The following SYNE1 variants were observed in gnomAD, a reference collection of about 807,000 sequenced individuals.
SYNE1 encodes spectrin repeat containing nuclear envelope protein 1, also known as nesprin-1.
A neutral mutation model predicts 1,111.0 loss-of-function variants in SYNE1; 616 were observed. That is an observed-to-expected ratio of 0.55 (90% confidence interval 0.52 to 0.59). The LOEUF (loss-of-function observed/expected upper bound fraction) is 0.59. Among genes scored for constraint, SYNE1 ranks in the 20% least tolerant of loss-of-function variants. SYNE1 has a pLI of 0.00. For synonymous variants in SYNE1, 3,855 were observed against 3,825.8 expected (o/e 1.01, Z -0.28); for missense variants, 10,006 against 10,417.0 (o/e 0.96, Z 1.72).
At chr6:152,162,045 C>T (rs1450695375) in intron 131 of SYNE1, among the ~76,000 whole-genome samples, 2 of 152,186 alleles carry the variant, frequency 1.3e-5, no homozygotes, top group South Asian at 2.1e-4. Context: ...TTGCTTTCTC[C>T]AGAGAGTAAT....
chr6:152,160,070 G>C (rs888837553), intron 131 of SYNE1, among the ~76,000 whole-genome samples: 2 of 151,954 alleles, frequency 1.3e-5, no homozygotes, highest in South Asian at 4.2e-4. Flanking sequence ...ACAGTGGCGC[G>C]ATCTCCGCTC....
intron 51 of SYNE1, 63 bp from the exon 52 acceptor site, chr6:152,391,631 G>A (rs1002818500): frequency 1.1e-5 from 17 of 1,498,032 alleles, no homozygotes; most frequent in Admixed American, 6.7e-5. Context: ...GAGTGCAGGG[G>A]AGTGACAAAT....
chr6:152,307,993 C>T (rs771060742), intron 91 of SYNE1, among the ~76,000 whole-genome samples: 1 of 152,004 alleles, frequency 6.6e-6, no homozygotes, highest in Non-Finnish European at 1.5e-5. Context: ...CCACCACACC[C>T]AGCTAATTTT....
intron 3 of SYNE1, among the ~76,000 whole-genome samples, chr6:152,555,151 AT>A (rs1279484739): frequency 2.0e-5 from 3 of 152,118 alleles, no homozygotes; most frequent in Non-Finnish European, 4.4e-5. Context: ...ATAAACTCAT[AT>A]TTTTTGTTAC....
chr6:152,209,000 C>A (rs867469738), intron 124 of SYNE1, among the ~76,000 whole-genome samples: 3 of 152,096 alleles, frequency 2.0e-5, no homozygotes, highest in Admixed American at 1.3e-4. Context: ...TTCTTTATTA[C>A]GTTTTATTTA....
chr6:152,241,626 A>G (rs2085735117), intron 107 of SYNE1, among the ~76,000 whole-genome samples: 1 of 151,996 alleles, frequency 6.6e-6, no homozygotes, highest in Non-Finnish European at 1.5e-5. Context: ...GTTTGATTAC[A>G]TAGTAAACGG....
rs577778098 is a variant in SYNE1 at position 152,182,443 on chromosome 6, C to T, written c.23302-2149G>A. On this transcript the variant is annotated intron_variant, in intron 128 of 145. Transcript: ENST00000367255. ...CCAACATTTTATTACAAAACATTTC[C>T]GACACAGAAAAGCTGAAGGAATTGG... Among the ~76,000 whole-genome samples, 45 of 152,218 alleles carry T rather than the reference C, an allele frequency of 3.0e-4. No homozygotes were observed. The South Asian group carries it at 8.5e-3, about 29-fold the overall frequency.
rs541418224 is a variant in SYNE1 at position 152,630,829 on chromosome 6, T to A, written c.-223-2275A>T. Reference sequence around the variant, plus strand: ...TTCAGTTAAATCATTGCAACAGAAATCACTCTGCCTCTATCCTCTTCTAAT... The same window carrying A: ...TTCAGTTAAATCATTGCAACAGAAAACACTCTGCCTCTATCCTCTTCTAAT... On this transcript the variant is annotated intron_variant, in intron 2 of 145. Transcript: ENST00000367255. 5.3e-5 allele frequency among the ~76,000 whole-genome samples: 8 copies of A among 152,272 alleles called. No individual in the cohort carries two copies. The South Asian group carries it at 1.7e-3, about 32-fold the overall frequency.
In SYNE1 at chr6:152,444,571, T is replaced by G; in HGVS notation, c.3677A>C (p.Lys1226Thr). 6.2e-7 allele frequency: 1 copy of G among 1,611,032 alleles called. No homozygotes were observed. The highest frequency in any genetic ancestry group is 8.5e-7 in the Non-Finnish European group (1 of 1,179,294). ...ACAGTCCCCAAAATTGCTTAGCATC[T>G]TTTCAACCTATATTTTCATGAAAAA... Reference protein sequence around the residue: ...ALVTLLSEVEKMLSNFGDCVQ... With the variant: ...ALVTLLSEVETMLSNFGDCVQ... The change falls in exon 30 of 146, where the codon AAG (lysine) becomes ACG (threonine). Residue 1226 changes from lysine (K) to threonine (T), a missense_variant. Coordinates refer to ENST00000367255, the MANE Select transcript of SYNE1 (RefSeq NM_182961.4).
intron 51 of SYNE1, among the ~76,000 whole-genome samples, chr6:152,392,769 G>A (rs1276922789): frequency 2.0e-5 from 3 of 152,140 alleles, no homozygotes; most frequent in Non-Finnish European, 4.4e-5. Context: ...CAAGAAGGTG[G>A]CTTAAGCAAT....
At chr6:152,617,479 C>T (rs151177600) in intron 3 of SYNE1, among the ~76,000 whole-genome samples, 2 of 152,302 alleles carry the variant, frequency 1.3e-5, no homozygotes, top group African/African-American at 4.8e-5. Context: ...GTTACGTTTA[C>T]ATTTGCTTTC....
chr6:152,366,813 G>T (rs879349706), intron 62 of SYNE1, among the ~76,000 whole-genome samples: 1 of 152,176 alleles, frequency 6.6e-6, no homozygotes, highest in Non-Finnish European at 1.5e-5. Context: ...TCACAAATGC[G>T]AAAATGAACT....
intron 140 of SYNE1, among the ~76,000 whole-genome samples, chr6:152,139,548 G>A: frequency 6.9e-6 from 1 of 144,242 alleles, no homozygotes; most frequent in Non-Finnish European, 1.5e-5. Context: ...TCCAGCCTGG[G>A]CAACGGAGTG....
intron 137 of SYNE1, chr6:152,144,603 T>TA (rs2059132502): frequency 6.6e-6 from 1 of 152,240 alleles, no homozygotes; most frequent in Non-Finnish European, 1.5e-5. Flanking sequence ...TAAATGTTTT[T>TA]ATTTGTTTCT....
chr6:152,409,365 T>C lies in SYNE1; in HGVS notation c.6382-139A>G, dbSNP rs1477037032. The C allele has an allele frequency of 3.8e-6, 4 of 1,040,070 alleles. No homozygotes were observed. The Admixed American group carries it at 7.1e-5, about 19-fold the overall frequency. 64.4% of individuals were successfully genotyped at this position (1,040,070 alleles called of 1,614,324 possible). ...TAGTGAGATTAATTAACTATATGAA[T>C]ATATATAACACCATTTTCTTGAATT... On this transcript the variant is annotated intron_variant, in intron 43 of 145. Coordinates refer to ENST00000367255, the MANE Select transcript of SYNE1 (RefSeq NM_182961.4).
intron 10 of SYNE1, among the ~76,000 whole-genome samples, chr6:152,500,037 C>A (rs932708772): frequency 1.8e-4 from 27 of 152,210 alleles, no homozygotes; most frequent in Admixed American, 3.9e-4. Flanking sequence ...TTTTTAGATG[C>A]TTCCAGCCAC....
intron 121 of SYNE1, among the ~76,000 whole-genome samples, chr6:152,215,289 T>G (rs1342507064): frequency 1.3e-5 from 2 of 152,222 alleles, no homozygotes; most frequent in African/African-American, 4.8e-5. Flanking sequence ...AGCTACTCAT[T>G]ATCCTTTATG....
At chr6:152,201,709 AC>A (rs1432614021) in intron 127 of SYNE1, 114 bp downstream of exon 127, 1 of 1,500,680 alleles carries the variant, frequency 6.7e-7, no homozygotes, top group African/African-American at 1.4e-5. Context: ...TATGTCATAT[AC>A]TAGGATCTTG....
rs749838365 is a variant in SYNE1, at chr6:152,122,686, G to T, written c.26154-10C>A. On this transcript the variant is annotated splice_polypyrimidine_tract_variant and intron_variant, in intron 145 of 145. Transcript: ENST00000367255. ...GCCACCTTTTGTGGACCTGAGAGAAGAATGGACATAAATTACTCAGATAAC... is the reference window on the plus strand; with the variant it reads ...GCCACCTTTTGTGGACCTGAGAGAATAATGGACATAAATTACTCAGATAAC... 32 of 1,613,640 alleles carry T rather than the reference G, an allele frequency of 2.0e-5. No homozygotes were observed. The highest frequency in any genetic ancestry group is 2.6e-5 in the Non-Finnish European group (31 of 1,179,892).
Sources: allele counts gnomAD v4.1 joint callset (sites outside exome capture counted in the v4.1 genomes callset), GRCh38; gene constraint gnomAD v4.1.1; transcripts MANE v1.5; gene names NCBI Gene and HGNC (gene_info 2026-07-23, HGNC 2026-07-21).